AGBL4: variants seen among roughly 807,000 people sequenced by gnomAD.
AGBL4 encodes the protein cytosolic carboxypeptidase 6.
Under a neutral mutation model 66.4 loss-of-function variants are expected in AGBL4, and 58 were observed. The observed-to-expected ratio is 0.87, with a 90% CI of 0.71 to 1.09. AGBL4 has a LOEUF of 1.09. AGBL4 is among the 50% of genes least tolerant of loss of function. AGBL4 has a pLI of 0.00. For missense variants in AGBL4, 579 were observed against 631.0 expected, an observed-to-expected ratio of 0.92 and a Z score of 0.88; for synonymous variants, 234 against 222.9, an observed-to-expected ratio of 1.05 and a Z score of -0.44.
chr1:49,116,267 C>G (rs181474612), intron 4 of AGBL4, among the ~76,000 whole-genome samples: 5 of 152,094 alleles, frequency 3.3e-5, no homozygotes, highest in Non-Finnish European at 7.4e-5. Flanking sequence ...ATGTGCACAA[C>G]GTGCAGGTTT....
chr1:49,403,621 T>C (rs74343094), intron 3 of AGBL4, among the ~76,000 whole-genome samples: 4,832 of 152,264 alleles, frequency 0.032, 238 homozygotes, highest in African/African-American at 0.11. Context: ...GGTAAGGTCA[T>C]GTTTTCCAGG....
At chr1:48,761,324 A>G in intron 6 of AGBL4, 4 of 1,541,340 alleles carry the variant, frequency 2.6e-6, no homozygotes, top group Non-Finnish European at 3.5e-6. Flanking sequence ...AAAGAAAGGA[A>G]AGATTTTGTT....
At chr1:49,773,230 A>T (rs1001964213) in intron 2 of AGBL4, among the ~76,000 whole-genome samples, 3 of 152,066 alleles carry the variant, frequency 2.0e-5, no homozygotes, top group Non-Finnish European at 4.4e-5. Context: ...CAGATCATGA[A>T]TTGTTTTCCT....
intron 4 of AGBL4, among the ~76,000 whole-genome samples, chr1:49,069,502 T>C (rs1644557579): frequency 6.6e-6 from 1 of 151,990 alleles, no homozygotes; most frequent in South Asian, 2.1e-4. Flanking sequence ...CTTTCCCCCT[T>C]GCTTGTTTTG....
chr1:49,285,663 G>A (rs1316465439), intron 3 of AGBL4, among the ~76,000 whole-genome samples: 1 of 151,992 alleles, frequency 6.6e-6, no homozygotes, highest in Non-Finnish European at 1.5e-5. Flanking sequence ...GAATCAAATA[G>A]AACAATAAAA....
chr1:48,915,031 TC>T (rs1653467003), intron 5 of AGBL4, among the ~76,000 whole-genome samples: 2 of 152,246 alleles, frequency 1.3e-5, no homozygotes, highest in Non-Finnish European at 2.9e-5. Context: ...GCAGACTGAT[TC>T]GTCCGTGAGG....
chr1:49,001,964 G>A (rs899757251), intron 5 of AGBL4, among the ~76,000 whole-genome samples: 11 of 152,126 alleles, frequency 7.2e-5, no homozygotes, highest in African/African-American at 2.4e-4. Context: ...TAAGATAATC[G>A]TCTTTACACT....
intron 6 of AGBL4, among the ~76,000 whole-genome samples, chr1:48,777,910 C>A (rs1258428158): frequency 2.0e-5 from 3 of 152,062 alleles, no homozygotes; most frequent in Non-Finnish European, 4.4e-5. Context: ...CCAAAGAGAG[C>A]CTGGAGGGGC....
At chr1:49,263,965 G>C (rs1316793566) in intron 3 of AGBL4, among the ~76,000 whole-genome samples, 1 of 152,152 alleles carries the variant, frequency 6.6e-6, no homozygotes. Context: ...GAATGCATTA[G>C]AGTGACATTT....
intron 3 of AGBL4, among the ~76,000 whole-genome samples, chr1:49,366,375 C>G (rs1286559427): frequency 6.6e-6 from 1 of 152,082 alleles, no homozygotes; most frequent in Non-Finnish European, 1.5e-5. Context: ...AAAAAGGTGG[C>G]TATTTAAAAT....
At chr1:48,707,514 C>T (rs1460399356) in intron 6 of AGBL4, among the ~76,000 whole-genome samples, 2 of 152,132 alleles carry the variant, frequency 1.3e-5, no homozygotes, top group Non-Finnish European at 2.9e-5. Context: ...CATCATTTTC[C>T]AGAAAGAATT....
intron 3 of AGBL4, among the ~76,000 whole-genome samples, chr1:49,688,703 G>A (rs1196673454): frequency 1.3e-5 from 2 of 151,986 alleles, no homozygotes; most frequent in Non-Finnish European, 2.9e-5. Context: ...AATGTATGAG[G>A]GTTCCCTTTT....
At chr1:49,816,769 A>G (rs1645242804) in intron 2 of AGBL4, among the ~76,000 whole-genome samples, 7 of 152,216 alleles carry the variant, frequency 4.6e-5, no homozygotes, top group African/African-American at 1.7e-4. Flanking sequence ...TAACAAGACT[A>G]ATTGGCAGCA....
intron 6 of AGBL4, among the ~76,000 whole-genome samples, chr1:48,831,079 T>C (rs1439150803): frequency 6.6e-6 from 1 of 152,176 alleles, no homozygotes; most frequent in East Asian, 1.9e-4. Context: ...GAATTAATTT[T>C]TGGATTGGGG....
At chr1:49,335,793 G>T (rs139674339) in intron 3 of AGBL4, among the ~76,000 whole-genome samples, 3 of 152,194 alleles carry the variant, frequency 2.0e-5, no homozygotes, top group Middle Eastern at 3.4e-3. Flanking sequence ...GGGATTATAG[G>T]CGTGAGCCAC....
At chr1:49,746,223 G>C (rs938084484) in intron 2 of AGBL4, among the ~76,000 whole-genome samples, 3 of 151,726 alleles carry the variant, frequency 2.0e-5, no homozygotes, top group Non-Finnish European at 4.4e-5. Flanking sequence ...ATTTAATTAC[G>C]TTGAACTGAA....
intron 4 of AGBL4, among the ~76,000 whole-genome samples, chr1:49,072,195 C>G (rs937274926): frequency 1.3e-5 from 2 of 152,088 alleles, no homozygotes; most frequent in Non-Finnish European, 1.5e-5. Context: ...GACTCTGTAT[C>G]CAATTTGCCA....
At chr1:49,554,890 C>T (rs568622589) in intron 3 of AGBL4, among the ~76,000 whole-genome samples, 2 of 152,192 alleles carry the variant, frequency 1.3e-5, no homozygotes, top group Admixed American at 6.5e-5. Flanking sequence ...TTGTTCGTTC[C>T]TTCTGGTGGG....
At chr1:49,323,488 G>A (rs1645168422) in intron 3 of AGBL4, among the ~76,000 whole-genome samples, 1 of 148,034 alleles carries the variant, frequency 6.8e-6, no homozygotes, top group Non-Finnish European at 1.5e-5. Context: ...GTAGAGACGA[G>A]GTTTCACCAT....
Sources: allele counts gnomAD v4.1 joint callset (sites outside exome capture counted in the v4.1 genomes callset), GRCh38; gene constraint gnomAD v4.1.1; transcripts MANE v1.5; gene names NCBI Gene and HGNC (gene_info 2026-07-23, HGNC 2026-07-21).